RPS27L: variants seen among roughly 807,000 people sequenced by gnomAD.
RPS27L encodes ribosomal protein S27 like, also known as ribosomal protein eS27-like.
A neutral mutation model predicts 12.8 loss-of-function variants in RPS27L; 10 were observed. That is an observed-to-expected ratio of 0.78 (90% CI 0.48 to 1.33). RPS27L has a LOEUF of 1.33. Among genes scored for constraint, RPS27L ranks in the 40% most tolerant of loss-of-function variants. The probability of loss-of-function intolerance (pLI) is 0.00; values close to 1 mark genes in which losing one functional copy is unlikely to be tolerated. For missense variants in RPS27L, 81 were observed against 97.4 expected (o/e 0.83, Z 0.71); for synonymous variants, 26 against 32.3 (o/e 0.81, Z 0.66).
chr15:63,153,144 G>A lies in RPS27L; in HGVS notation c.*888C>T, dbSNP rs1228696215. On this transcript the variant is annotated 3_prime_UTR_variant, in exon 4 of 4. Coordinates refer to ENST00000330964, the MANE Select transcript of RPS27L (RefSeq NM_015920.4). Reference sequence around the variant, plus strand: ...GGAGTGCTCACCTATCTGGGCCAGAGAATTCAACACCATCTACTATCCCCA... The same window carrying A: ...GGAGTGCTCACCTATCTGGGCCAGAAAATTCAACACCATCTACTATCCCCA... The A allele has an allele frequency of 6.6e-6, 1 of 152,174 alleles. No homozygotes were observed. Among genetic ancestry groups the A allele is most frequent in the Non-Finnish European group, 1.5e-5 (1 of 68,038 alleles). The allele number at this position is 152,174 out of a possible 1,614,324, so 9.4% of individuals were successfully genotyped here.
intron 1 of RPS27L, 50 bp downstream of exon 1, chr15:63,157,350 C>A: frequency 1.9e-6 from 3 of 1,610,212 alleles, no homozygotes; most frequent in South Asian, 1.1e-5. Context: ...CCATATGACT[C>A]TCGGTAAAGA....
chr15:63,155,710 A>G lies in RPS27L; in HGVS notation c.137T>C (p.Val46Ala). The G allele has an allele frequency of 6.6e-7, 1 of 1,520,686 alleles. No individual in the cohort carries two copies. The highest frequency in any genetic ancestry group is 8.8e-7 in the Non-Finnish European group (1 of 1,135,780). The allele number at this position is 1,520,686 out of a possible 1,614,324, so 94.2% of individuals were successfully genotyped here. A position where few individuals can be genotyped will look rare whatever the true frequency, so the allele number is the denominator to read the frequency against. ...AACCACTGTCTGAGCATGGCTGAAA[A>G]CCGTGGTGATCTTGTAGCAACCTAA... ...KCPGCYKITT[V>A]FSHAQTVVLC... Residue 46 changes from valine to alanine, a missense_variant, in exon 3 of 4, where the codon GTT becomes GCT. Val to Ala is a moderately conservative substitution (Grantham distance 64, BLOSUM62 0). Transcript: ENST00000330964.
chr15:63,154,969 T>C (rs2037322400), intron 3 of RPS27L: 1 of 152,036 alleles, frequency 6.6e-6, no homozygotes, highest in Non-Finnish European at 1.5e-5. Context: ...GTAAAAGAAA[T>C]TTTAAAATTC....
intron 2 of RPS27L, 129 bp from the exon 3 acceptor site, chr15:63,155,860 T>TA: frequency 4.3e-6 from 2 of 465,506 alleles, no homozygotes; most frequent in Non-Finnish European, 7.3e-6. Context: ...ATGTGTAACA[T>TA]AAACTTTTCT....
rs926782713 is a variant in RPS27L at position 63,152,237 on chromosome 15, C to T, written c.*1795G>A. ...GAGGTCACAATGAGCTATGACCCTC[C>T]AACCTGGGCAATAGAGCCAAGACAC... On this transcript the variant is annotated 3_prime_UTR_variant, in exon 4 of 4. Coordinates refer to ENST00000330964, the MANE Select transcript of RPS27L (RefSeq NM_015920.4). 6.6e-6 allele frequency: 1 copy of T among 152,160 alleles called. No individual in the cohort carries two copies. The highest frequency in any genetic ancestry group is 1.5e-5 in the Non-Finnish European group (1 of 68,028). 9.4% of individuals were successfully genotyped at this position (152,160 alleles called of 1,614,324 possible).
Position 63,149,002 on chromosome 15 carries a change from G to A in RPS27L, c.*5030C>T, listed in dbSNP as rs958065850. 1 of 151,968 alleles carries A rather than the reference G, an allele frequency of 6.6e-6. No individual in the cohort carries two copies. Among genetic ancestry groups the A allele is most frequent in the Non-Finnish European group, 1.5e-5 (1 of 68,082 alleles). The allele number at this position is 151,968 out of a possible 1,614,324, so 9.4% of individuals were successfully genotyped here. A position where few individuals can be genotyped will look rare whatever the true frequency, so the allele number is the denominator to read the frequency against. ...GCCTCCCGAGTAGCTGGGACTACAG[G>A]CGCCCGACACCACGCCCAGCTAATT... On this transcript the variant is annotated 3_prime_UTR_variant, in exon 4 of 4. Transcript: ENST00000330964.
In RPS27L at chr15:63,148,793, A is replaced by G. The variant is rs2141083247; in HGVS notation, c.*5239T>C. 6.6e-6 allele frequency: 1 copy of G among 152,270 alleles called. No individual in the cohort carries two copies. The highest frequency in any genetic ancestry group is 2.1e-4 in the South Asian group (1 of 4,828). 9.4% of individuals were successfully genotyped at this position (152,270 alleles called of 1,614,324 possible). On this transcript the variant is annotated 3_prime_UTR_variant, in exon 4 of 4. Coordinates refer to ENST00000330964, the MANE Select transcript of RPS27L (RefSeq NM_015920.4). ...GCAATTCTGGCATCTCCTTTGAAAC[A>G]AAATTCAAAGGCTATTTAAGTGTCG... is the stretch of plus-strand genomic sequence containing the variant.
chr15:63,154,869 T>A (rs1566997508), intron 3 of RPS27L: 1 of 152,068 alleles, frequency 6.6e-6, no homozygotes. Flanking sequence ...TCTCTGGCAT[T>A]TTAACTTATA....
At position 63,154,014 on chromosome 15, in the gene RPS27L, A is replaced by C. The variant is rs1595722165; in HGVS notation, c.*18T>G. On this transcript the variant is annotated 3_prime_UTR_variant, in exon 4 of 4. Coordinates refer to ENST00000330964, the MANE Select transcript of RPS27L (RefSeq NM_015920.4). ...GTGAGACAACACAAAATTAAAATTC[A>C]GGAAGCTGTTTGAATCATTAGTGTT... The C allele has an allele frequency of 6.3e-7, 1 of 1,585,996 alleles. No homozygotes were observed. Among genetic ancestry groups the C allele is most frequent in the Non-Finnish European group, 8.6e-7 (1 of 1,156,848 alleles).
chr15:63,156,900 C>T (rs2037336079), intron 1 of RPS27L: 1 of 408,808 alleles, frequency 2.4e-6, no homozygotes, highest in South Asian at 3.4e-5. Flanking sequence ...GACCAGACAA[C>T]GTCAGCGCCT....
chr15:63,155,315 AAAT>A, intron 3 of RPS27L: 1 of 309,588 alleles, frequency 3.2e-6, no homozygotes, highest in Non-Finnish European at 5.7e-6. Flanking sequence ...ATAAATAAAT[AAAT>A]AAATCTGCAT....
At position 63,148,613 on chromosome 15, in the gene RPS27L, G is replaced by C. The variant is rs887419573; in HGVS notation, c.*5419C>G. The C allele has an allele frequency of 6.6e-6, 1 of 152,148 alleles. No homozygotes were observed. Among genetic ancestry groups the C allele is most frequent in the Non-Finnish European group, 1.5e-5 (1 of 68,036 alleles). 9.4% of individuals were successfully genotyped at this position (152,148 alleles called of 1,614,324 possible). ...ACTGAAACTAACACTGCTTCCCTAA[G>C]ATTTAAAATGAAAGCTTATTAACTA... is the stretch of plus-strand genomic sequence containing the variant. On this transcript the variant is annotated 3_prime_UTR_variant, in exon 4 of 4. Transcript: ENST00000330964.
rs545346385 is a variant in RPS27L, at chr15:63,150,823, G to T, written c.*3209C>A. On this transcript the variant is annotated 3_prime_UTR_variant, in exon 4 of 4. Transcript: ENST00000330964. ...GCCCGGCTAATTTTTTGTATTTTTAGTAGAGACGGGGTTACACCGTGTTAG... is the reference window on the plus strand; with the variant it reads ...GCCCGGCTAATTTTTTGTATTTTTATTAGAGACGGGGTTACACCGTGTTAG... 2.6e-5 allele frequency: 4 copies of T among 152,206 alleles called. No homozygotes were observed. The highest frequency in any genetic ancestry group is 9.6e-5 in the African/African-American group (4 of 41,500). The allele number at this position is 152,206 out of a possible 1,614,324, so 9.4% of individuals were successfully genotyped here. A position where few individuals can be genotyped will look rare whatever the true frequency, so the allele number is the denominator to read the frequency against.
In RPS27L at chr15:63,148,852, CTTTTTT is replaced by C. The variant is rs138519912; in HGVS notation, c.*5174_*5179del. ...CAAACACCATGACCTGATGTCATTT[CTTTTTT>C]TTTTTTTTTTTTTTTTTTCTGAGAC... On this transcript the variant is annotated 3_prime_UTR_variant, in exon 4 of 4. Coordinates refer to ENST00000330964, the MANE Select transcript of RPS27L (RefSeq NM_015920.4). 3.3e-5 allele frequency: 4 copies of C among 119,430 alleles called. No homozygotes were observed. The highest frequency in any genetic ancestry group is 2.5e-4 in the South Asian group (1 of 3,934). 7.4% of individuals were successfully genotyped at this position (119,430 alleles called of 1,614,324 possible).
Position 63,150,206 on chromosome 15 carries a change from C to T in RPS27L, c.*3826G>A, listed in dbSNP as rs1044877411. Reference sequence around the variant, plus strand: ...ATATTGATACATGCAACAGCATGGACAGCCCTTGAAAACATTATGCTAAGT... The same window carrying T: ...ATATTGATACATGCAACAGCATGGATAGCCCTTGAAAACATTATGCTAAGT... On this transcript the variant is annotated 3_prime_UTR_variant, in exon 4 of 4. Transcript: ENST00000330964. 1.3e-5 allele frequency: 2 copies of T among 152,214 alleles called. No individual in the cohort carries two copies. Among genetic ancestry groups the T allele is most frequent in the Admixed American group, 6.5e-5 (1 of 15,286 alleles). The allele number at this position is 152,214 out of a possible 1,614,324, so 9.4% of individuals were successfully genotyped here.
intron 1 of RPS27L, 162 bp from the exon 2 acceptor site, chr15:63,156,683 A>G: frequency 1.5e-6 from 1 of 661,772 alleles, no homozygotes; most frequent in East Asian, 2.7e-5. Flanking sequence ...AATAACTTTC[A>G]TCAGTACTTT....
At position 63,149,736 on chromosome 15, in the gene RPS27L, T is replaced by C. The variant is rs551194115; in HGVS notation, c.*4296A>G. On this transcript the variant is annotated 3_prime_UTR_variant, in exon 4 of 4. Transcript: ENST00000330964. ...CCCTAATCCCCAGAACCTACGAATA[T>C]GTTACCTTACATAGCAAAATGGATT... 1.8e-4 allele frequency: 27 copies of C among 152,230 alleles called. No individual in the cohort carries two copies. Among genetic ancestry groups the C allele is most frequent in the African/African-American group, 5.3e-4 (22 of 41,522 alleles). The allele number at this position is 152,230 out of a possible 1,614,324, so 9.4% of individuals were successfully genotyped here.
chr15:63,148,993 G>GGACT lies in RPS27L; in HGVS notation c.*5035_*5038dup, dbSNP rs2037282734. The GGACT allele has an allele frequency of 6.6e-6, 1 of 151,708 alleles. No homozygotes were observed. The highest frequency in any genetic ancestry group is 2.1e-4 in the South Asian group (1 of 4,804). 9.4% of individuals were successfully genotyped at this position (151,708 alleles called of 1,614,324 possible). A position where few individuals can be genotyped will look rare whatever the true frequency, so the allele number is the denominator to read the frequency against. ...CCTGCCTCAGCCTCCCGAGTAGCTGGGACTACAGGCGCCCGACACCACGCC... is the reference window on the plus strand; with the variant it reads ...CCTGCCTCAGCCTCCCGAGTAGCTGGGACTGACTACAGGCGCCCGACACCACGCC... On this transcript the variant is annotated 3_prime_UTR_variant, in exon 4 of 4. Transcript: ENST00000330964.
In RPS27L at chr15:63,151,086, C is replaced by T. The variant is rs1201091716; in HGVS notation, c.*2946G>A. Reference sequence around the variant, plus strand: ...CAATATAAATAATATTTAAAACATTCAGTATATAATAATGTATGTGGCTGA... The same window carrying T: ...CAATATAAATAATATTTAAAACATTTAGTATATAATAATGTATGTGGCTGA... On this transcript the variant is annotated 3_prime_UTR_variant, in exon 4 of 4. Coordinates refer to ENST00000330964, the MANE Select transcript of RPS27L (RefSeq NM_015920.4). 6.6e-6 allele frequency: 1 copy of T among 152,030 alleles called. No homozygotes were observed. Among genetic ancestry groups the T allele is most frequent in the Non-Finnish European group, 1.5e-5 (1 of 68,010 alleles). The allele number at this position is 152,030 out of a possible 1,614,324, so 9.4% of individuals were successfully genotyped here. A position where few individuals can be genotyped will look rare whatever the true frequency, so the allele number is the denominator to read the frequency against.
Sources: allele counts gnomAD v4.1 joint callset, GRCh38; gene constraint gnomAD v4.1.1; transcripts MANE v1.5; gene names NCBI Gene and HGNC (gene_info 2026-07-23, HGNC 2026-07-21).